METTL13: variants seen among roughly 807,000 people sequenced by gnomAD.
The protein encoded by METTL13 is eEF1A lysine and N-terminal methyltransferase.
A neutral mutation model predicts 67.4 loss-of-function variants in METTL13; 52 were observed. That is an observed-to-expected ratio of 0.77 (90% confidence interval 0.62 to 0.97). METTL13 has a LOEUF of 0.97. Ranked by LOEUF, METTL13 falls within the 50% of genes least tolerant of loss-of-function variation. The pLI is 0.00. For synonymous variants in METTL13, 354 were observed against 353.6 expected (o/e 1.00, Z -0.01); for missense variants, 825 against 889.6 (o/e 0.93, Z 0.92).
chr1:171,782,881 G>A (rs1011532656), intron 1 of METTL13, among the ~76,000 whole-genome samples: 1 of 152,230 alleles, frequency 6.6e-6, no homozygotes, highest in African/African-American at 2.4e-5. Context: ...AGGTGAGATT[G>A]TACTGGAGGT....
Position 171,796,949 on chromosome 1 carries a change from C to G in METTL13, c.*193C>G. 1 of 686,134 alleles carries G rather than the reference C, an allele frequency of 1.5e-6. No individual in the cohort carries two copies. The highest frequency in any genetic ancestry group is 3.0e-5 in the East Asian group (1 of 33,866). 42.5% of individuals were successfully genotyped at this position (686,134 alleles called of 1,614,324 possible). On this transcript the variant is annotated 3_prime_UTR_variant, in exon 8 of 8. Transcript: ENST00000361735. ...AATAAAAATGTCCTTCCCATCTTGT[C>G]CTCTTCAGTACCACTTGGGTTGGTT...
intron 6 of METTL13, among the ~76,000 whole-genome samples, chr1:171,792,878 C>G (rs1657251927): frequency 6.6e-6 from 1 of 152,162 alleles, no homozygotes; most frequent in Admixed American, 6.5e-5. Flanking sequence ...AGATGGTACT[C>G]TGTGGGAATT....
chr1:171,794,679 C>A, intron 7 of METTL13, 152 bp downstream of exon 7: 1 of 1,136,282 alleles, frequency 8.8e-7, no homozygotes, highest in Non-Finnish European at 1.2e-6. Flanking sequence ...AAATTTCCAG[C>A]TTGCCAGAAA....
Position 171,792,046 on chromosome 1 carries a change from C to T in METTL13, c.1504C>T (p.Leu502=), listed in dbSNP as rs1244047484. 1.2e-6 allele frequency: 2 copies of T among 1,612,850 alleles called. No homozygotes were observed. The highest frequency in any genetic ancestry group is 1.3e-5 in the African/African-American group (1 of 74,994). ...EIPLALLVVG[L]GGGSLPLFVH... is the part of the protein sequence containing the mutation. ...CCCACTGGCATTGTTGGTGGTAGGC[C>T]TGGGCGGGGGCAGCCTCCCCCTCTT... is the stretch of plus-strand genomic sequence containing the variant. Residue 502 remains leucine, a synonymous_variant, in exon 6 of 8, where the codon CTG becomes TTG. Transcript: ENST00000361735.
At chr1:171,784,741 G>T (rs1027902690) in intron 2 of METTL13, among the ~76,000 whole-genome samples, 1 of 152,192 alleles carries the variant, frequency 6.6e-6, no homozygotes, top group Non-Finnish European at 1.5e-5. Context: ...CATTGCAAAG[G>T]CTTGATGAAG....
intron 1 of METTL13, among the ~76,000 whole-genome samples, 191 bp from the exon 2 acceptor site, chr1:171,783,549 A>G (rs1401156485): frequency 9.9e-5 from 15 of 152,250 alleles, no homozygotes; most frequent in Admixed American, 9.8e-4. Context: ...TGTGGTTTTC[A>G]CTAGCAAGTA....
At position 171,792,195 on chromosome 1, in the gene METTL13, T is replaced by C. The variant is rs1241165453; in HGVS notation, c.1653T>C (p.Asp551=). 2 of 1,614,222 alleles carry C rather than the reference T, an allele frequency of 1.2e-6. No homozygotes were observed. Among genetic ancestry groups the C allele is most frequent in the Non-Finnish European group, 1.7e-6 (2 of 1,180,036 alleles). The change falls in exon 6 of 8, where the codon GAT becomes GAC. Residue 551 remains aspartate (D), a synonymous_variant. Transcript: ENST00000361735. ...QSDRMKVHIA[D]GLDYIASLAG... is the part of the protein sequence containing the mutation. Reference sequence around the variant, plus strand: ...ACCGAATGAAGGTCCACATTGCAGATGGCCTGGACTATATCGCCAGCTTGG... The same window carrying C: ...ACCGAATGAAGGTCCACATTGCAGACGGCCTGGACTATATCGCCAGCTTGG...
chr1:171,784,091 A>G lies in METTL13; in HGVS notation c.505A>G (p.Lys169Glu). Residue 169 changes from lysine (K) to glutamate (E), a missense_variant, in exon 2 of 8, where the codon AAA becomes GAA. By Grantham distance (56) the Lys-to-Glu change is moderately conservative (BLOSUM62 1). Coordinates refer to ENST00000361735, the MANE Select transcript of METTL13 (RefSeq NM_015935.5). ...CCTGGCTCAGGCTCACATCCTGAAG[A>G]AAGCAGTGGGCCACTTCTCCCGGGA... is the stretch of plus-strand genomic sequence containing the variant. ...ISLAQAHILK[K>E]AVGHFSREGW... 6.2e-7 allele frequency: 1 copy of G among 1,614,228 alleles called. No individual in the cohort carries two copies. The highest frequency in any genetic ancestry group is 8.5e-7 in the Non-Finnish European group (1 of 1,180,044).
rs149683541 is a variant in METTL13 at position 171,782,451 on chromosome 1, C to A, written c.153+331C>A. 4.0e-3 allele frequency among the ~76,000 whole-genome samples: 612 copies of A among 151,964 alleles called. 4 individuals are homozygous for A. The highest frequency in any genetic ancestry group is 0.017 in the Middle Eastern group (5 of 292). On this transcript the variant is annotated intron_variant, in intron 1 of 7. Transcript: ENST00000361735. ...GGCGTGGTGGCGCGCATCTGTATTTCCAGCTACTCGGGAGGCTTAGGCGGG... is the reference window on the plus strand; with the variant it reads ...GGCGTGGTGGCGCGCATCTGTATTTACAGCTACTCGGGAGGCTTAGGCGGG...
chr1:171,784,620 C>G (rs1656949381), intron 2 of METTL13, 121 bp downstream of exon 2: 6 of 1,266,068 alleles, frequency 4.7e-6, no homozygotes, highest in Non-Finnish European at 6.2e-6. Flanking sequence ...TGTTTTTTGT[C>G]TTGCAGGGGT....
At chr1:171,784,644 G>T in intron 2 of METTL13, 145 bp downstream of exon 2, 1 of 1,077,426 alleles carries the variant, frequency 9.3e-7, no homozygotes, top group Non-Finnish European at 1.2e-6. Context: ...TACTTCCAGA[G>T]GATTAGACTA....
At position 171,783,864 on chromosome 1, in the gene METTL13, C is replaced by T; in HGVS notation, c.278C>T (p.Thr93Ile). 1 of 1,614,208 alleles carries T rather than the reference C, an allele frequency of 6.2e-7. No homozygotes were observed. The highest frequency in any genetic ancestry group is 8.5e-7 in the Non-Finnish European group (1 of 1,180,046). The change falls in exon 2 of 8, where the codon ACC becomes ATC. Residue 93 changes from threonine (T) to isoleucine (I), a missense_variant. Coordinates refer to ENST00000361735, the MANE Select transcript of METTL13 (RefSeq NM_015935.5). ...AAGCAAATGAAGGAATGTAATGCCA[C>T]CCGACGGCCCCAGATGAGCTTCTTG... ...VIKQMKECNA[T>I]RRPQMSFLKM...
rs778224360 is a variant in METTL13, at chr1:171,790,516, A to G, written c.1374A>G (p.Ala458=). 1.9e-6 allele frequency: 3 copies of G among 1,612,120 alleles called. No individual in the cohort carries two copies. The highest frequency in any genetic ancestry group is 1.7e-5 in the Admixed American group (1 of 59,272). ...CTGCTGATGCGGAGGACCTCCCTGC[A>G]GCCCCGGGGCAGTCCATTGATAAGA... is the stretch of plus-strand genomic sequence containing the variant. ...QRPADAEDLP[A]APGQSIDKSY... The change falls in exon 5 of 8, where the codon GCA becomes GCG. Residue 458 remains alanine (A), a synonymous_variant. Transcript: ENST00000361735.
At chr1:171,785,391 G>A (rs919139055) in intron 2 of METTL13, among the ~76,000 whole-genome samples, 5 of 152,166 alleles carry the variant, frequency 3.3e-5, no homozygotes, top group Non-Finnish European at 5.9e-5. Flanking sequence ...GAATACAAGC[G>A]TGGGTAGAGT....
chr1:171,790,509 T>C lies in METTL13; in HGVS notation c.1367T>C (p.Leu456Pro). 1 of 1,611,866 alleles carries C rather than the reference T, an allele frequency of 6.2e-7. No individual in the cohort carries two copies. Among genetic ancestry groups the C allele is most frequent in the Non-Finnish European group, 8.5e-7 (1 of 1,179,488 alleles). Reference sequence around the variant, plus strand: ...CAGCGGCCTGCTGATGCGGAGGACCTCCCTGCAGCCCCGGGGCAGTCCATT... The same window carrying C: ...CAGCGGCCTGCTGATGCGGAGGACCCCCCTGCAGCCCCGGGGCAGTCCATT... Reference protein sequence around the residue: ...KKQRPADAEDLPAAPGQSIDK... With the variant: ...KKQRPADAEDPPAAPGQSIDK... The change falls in exon 5 of 8, where the codon CTC (leucine) becomes CCC (proline). Residue 456 changes from leucine (L) to proline (P), a missense_variant. By Grantham distance (98) the Leu-to-Pro change is moderately conservative. Coordinates refer to ENST00000361735, the MANE Select transcript of METTL13 (RefSeq NM_015935.5).
At chr1:171,795,886 T>C (rs1322039887) in intron 7 of METTL13, among the ~76,000 whole-genome samples, 4 of 152,168 alleles carry the variant, frequency 2.6e-5, no homozygotes, top group Non-Finnish European at 4.4e-5. Flanking sequence ...AGACAAAGTC[T>C]CATTCCGTCA....
intron 1 of METTL13, 28 bp from the exon 2 acceptor site, chr1:171,783,712 C>G: frequency 1.3e-6 from 2 of 1,580,170 alleles, no homozygotes; most frequent in South Asian, 1.2e-5. Context: ...TTGATTACCT[C>G]CCTCTTGTCT....
chr1:171,783,267 A>G (rs1656886898), intron 1 of METTL13, among the ~76,000 whole-genome samples: 1 of 152,226 alleles, frequency 6.6e-6, no homozygotes, highest in South Asian at 2.1e-4. Context: ...TTCAGAAGAT[A>G]GCCAAATATC....
In METTL13 at chr1:171,787,788, A is replaced by C. The variant is rs1481054497; in HGVS notation, c.1167A>C (p.Gln389His). 6.2e-7 allele frequency: 1 copy of C among 1,614,178 alleles called. No individual in the cohort carries two copies. Among genetic ancestry groups the C allele is most frequent in the Admixed American group, 1.7e-5 (1 of 60,020 alleles). Residue 389 changes from glutamine (Q) to histidine (H), a missense_variant, in exon 4 of 8, where the codon CAA (glutamine) becomes CAC (histidine). Physicochemically the swap from Gln to His is conservative, Grantham distance 24. Transcript: ENST00000361735. ...TTGGGGTCCGGACCGTTCAGCACCA[A>C]GACTGCAGCCCCTTGAGCGGTGACT... is the stretch of plus-strand genomic sequence containing the variant. ...GDIGVRTVQHQDCSPLSGDYV... is the reference protein window; with the variant it reads ...GDIGVRTVQHHDCSPLSGDYV...
Sources: allele counts gnomAD v4.1 joint callset (sites outside exome capture counted in the v4.1 genomes callset), GRCh38; gene constraint gnomAD v4.1.1; transcripts MANE v1.5; gene names NCBI Gene and HGNC (gene_info 2026-07-23, HGNC 2026-07-21).